The following DGKB variants were observed in gnomAD, a reference collection of about 807,000 sequenced individuals.
The protein encoded by DGKB is 90 kDa diacylglycerol kinase.
In DGKB, 67 loss-of-function variants were observed where a neutral mutation model predicts 114.3. The observed-to-expected ratio is 0.59, with a 90% CI of 0.48 to 0.72. The LOEUF (loss-of-function observed/expected upper bound fraction) is 0.72, where lower values mean the gene tolerates loss of function less well. DGKB is among the 30% of genes least tolerant of loss of function. The probability of loss-of-function intolerance (pLI) is 0.00; values close to 1 mark genes in which losing one functional copy is unlikely to be tolerated. For synonymous variants in DGKB, 398 were observed against 323.1 expected (o/e 1.23, Z -2.49); for missense variants, 907 against 975.2 (o/e 0.93, Z 0.93).
chr7:14,795,280 A>C lies in DGKB; in HGVS notation c.71-37549T>G, dbSNP rs55764819. On this transcript the variant is annotated intron_variant, in intron 2 of 25. Coordinates refer to ENST00000402815, the MANE Select transcript of DGKB (RefSeq NM_001350709.2). The stretch of plus-strand genomic sequence containing the variant: ...ACTCATTAAGCAAAGGTTCTGCATT[A>C]AATGTTGCAGCTTGTGGAGTTTGAT... 1.5e-3 allele frequency among the ~76,000 whole-genome samples: 232 copies of C among 152,334 alleles called. 1 individual carries two copies. In the Middle Eastern group the frequency reaches 0.02, roughly 13 times the overall value.
chr7:14,431,428 A>T (rs767835088), intron 21 of DGKB, among the ~76,000 whole-genome samples: 1 of 152,162 alleles, frequency 6.6e-6, no homozygotes, highest in Admixed American at 6.6e-5. Context: ...AATTGGATCA[A>T]CCTAATATTA....
At chr7:14,313,284 T>C (rs1185263784) in intron 23 of DGKB, among the ~76,000 whole-genome samples, 1 of 152,084 alleles carries the variant, frequency 6.6e-6, no homozygotes, top group Non-Finnish European at 1.5e-5. Flanking sequence ...GATGGCCGAA[T>C]AGGAACAGCT....
At chr7:14,529,724 T>A (rs1377932405) in intron 20 of DGKB, among the ~76,000 whole-genome samples, 4 of 151,828 alleles carry the variant, frequency 2.6e-5, no homozygotes, top group African/African-American at 4.8e-5. Flanking sequence ...AATATCATAA[T>A]TTTTTAGTGA....
chr7:14,884,190 T>C (rs1360793141), intron 1 of DGKB, among the ~76,000 whole-genome samples: 2 of 152,022 alleles, frequency 1.3e-5, no homozygotes, highest in Admixed American at 6.6e-5. Flanking sequence ...AATTCAGCCA[T>C]GTTCCAATAA....
intron 1 of DGKB, among the ~76,000 whole-genome samples, chr7:14,947,177 T>G (rs1785932063): frequency 6.6e-6 from 1 of 151,710 alleles, no homozygotes. Context: ...TTTTACTAAG[T>G]ATCTTTATAA....
At chr7:14,562,764 C>T (rs577569313) in intron 20 of DGKB, among the ~76,000 whole-genome samples, 1 of 152,192 alleles carries the variant, frequency 6.6e-6, no homozygotes, top group East Asian at 1.9e-4. Flanking sequence ...TTTGATTTTA[C>T]AGGCTCATAG....
intron 1 of DGKB, among the ~76,000 whole-genome samples, chr7:14,855,280 T>C (rs1490628710): frequency 6.6e-6 from 1 of 152,174 alleles, no homozygotes; most frequent in East Asian, 1.9e-4. Flanking sequence ...AATCACACAG[T>C]GACATTGACT....
intron 17 of DGKB, among the ~76,000 whole-genome samples, chr7:14,597,623 T>G (rs1385194363): frequency 6.6e-6 from 1 of 152,162 alleles, no homozygotes; most frequent in Non-Finnish European, 1.5e-5. Flanking sequence ...ATTTTCATGC[T>G]CCTTGAGTTG....
intron 13 of DGKB, among the ~76,000 whole-genome samples, chr7:14,645,472 G>A (rs1011049194): frequency 2.0e-5 from 3 of 151,968 alleles, no homozygotes; most frequent in African/African-American, 7.3e-5. Context: ...GCTGAACAAT[G>A]GCAGCAAAGA....
At chr7:14,706,674 G>A (rs1184268897) in intron 6 of DGKB, among the ~76,000 whole-genome samples, 3 of 87,090 alleles carry the variant, frequency 3.4e-5, no homozygotes, top group African/African-American at 5.0e-5. Context: ...ACTCAAAGCC[G>A]CTCAACTACA....
Position 14,729,268 on chromosome 7 carries a change from G to A in DGKB, c.322+6773C>T, listed in dbSNP as rs545144527. 1.7e-3 allele frequency among the ~76,000 whole-genome samples: 253 copies of A among 147,866 alleles called. 1 individual carries two copies. In the East Asian group the frequency reaches 0.022, roughly 13 times the overall value. ...CTCCCGAGTAGCTGGGACTACAGGC[G>A]CCTGCCACCACATCCGGCTAATTTT... On this transcript the variant is annotated intron_variant, in intron 5 of 25. Transcript: ENST00000402815.
In DGKB at chr7:14,456,109, G is replaced by A. The variant is rs948382930; in HGVS notation, c.1835+22052C>T. ...GTACTTAACTCAAACTCTGTTCCATGCACAATATTATTAAGAATATTGCAT... is the reference window on the plus strand; with the variant it reads ...GTACTTAACTCAAACTCTGTTCCATACACAATATTATTAAGAATATTGCAT... On this transcript the variant is annotated intron_variant, in intron 21 of 25. Coordinates refer to ENST00000402815, the MANE Select transcript of DGKB (RefSeq NM_001350709.2). 2.0e-5 allele frequency among the ~76,000 whole-genome samples: 3 copies of A among 151,984 alleles called. No homozygotes were observed. In the South Asian group the frequency reaches 6.2e-4, roughly 31 times the overall value.
chr7:14,616,800 C>G (rs1310067841), intron 15 of DGKB, among the ~76,000 whole-genome samples: 3 of 151,694 alleles, frequency 2.0e-5, no homozygotes, highest in African/African-American at 7.2e-5. Context: ...TTAAACAATA[C>G]TTGAGATACA....
At chr7:14,802,851 C>T (rs1842348609) in intron 2 of DGKB, among the ~76,000 whole-genome samples, 1 of 152,056 alleles carries the variant, frequency 6.6e-6, no homozygotes, top group Non-Finnish European at 1.5e-5. Flanking sequence ...TATACGTTTA[C>T]TGCATATTTA....
rs542591592 is a variant in DGKB at position 14,361,612 on chromosome 7, T to C, written c.1836-16221A>G. On this transcript the variant is annotated intron_variant, in intron 21 of 25. Coordinates refer to ENST00000402815, the MANE Select transcript of DGKB (RefSeq NM_001350709.2). ...ATTGTCATTTGGGGATTAATCATTTTGCCAGTACATTCAAGTACATGTTAG... is the reference window on the plus strand; with the variant it reads ...ATTGTCATTTGGGGATTAATCATTTCGCCAGTACATTCAAGTACATGTTAG... Among the ~76,000 whole-genome samples the C allele has an allele frequency of 2.0e-5, 3 of 152,080 alleles. No homozygotes were observed. In the Middle Eastern group the frequency reaches 0.01, roughly 517 times the overall value.
At chr7:14,667,299 T>C (rs1375113801) in intron 13 of DGKB, among the ~76,000 whole-genome samples, 1 of 151,974 alleles carries the variant, frequency 6.6e-6, no homozygotes, top group East Asian at 1.9e-4. Context: ...TTGTGGTATG[T>C]CATTAAGATA....
rs1394342680 is a variant in DGKB at position 14,145,896 on chromosome 7, TC to T, written c.*3234del. ...CAGTGTGAGATTCAAAACATATTCT[TC>T]CCTGAAAAATTGCAACTACTTCCCA... On this transcript the variant is annotated 3_prime_UTR_variant, in exon 26 of 26. Coordinates refer to ENST00000402815, the MANE Select transcript of DGKB (RefSeq NM_001350709.2). The T allele has an allele frequency of 6.6e-6, 1 of 152,146 alleles. No individual in the cohort carries two copies. Among genetic ancestry groups the T allele is most frequent in the Non-Finnish European group, 1.5e-5 (1 of 68,042 alleles). The allele number at this position is 152,146 out of a possible 1,614,324, so 9.4% of individuals were successfully genotyped here.
At chr7:14,318,910 G>A (rs1402896583) in intron 23 of DGKB, among the ~76,000 whole-genome samples, 1 of 152,072 alleles carries the variant, frequency 6.6e-6, no homozygotes, top group Non-Finnish European at 1.5e-5. Context: ...ATGATAGACT[G>A]GATTAAGAAA....
intron 21 of DGKB, among the ~76,000 whole-genome samples, chr7:14,346,794 C>T (rs1270712006): frequency 2.6e-5 from 4 of 151,740 alleles, no homozygotes; most frequent in Non-Finnish European, 5.9e-5. Flanking sequence ...AAATATTTTG[C>T]TATTGAGATT....
Sources: gnomAD v4.1 joint callset for allele counts (sites outside exome capture counted in the v4.1 genomes callset) on GRCh38, gnomAD v4.1.1 for gene constraint, MANE v1.5 for transcripts, NCBI Gene and HGNC (gene_info 2026-07-23, HGNC 2026-07-21) for gene names.